ZNF385D: variants seen among roughly 807,000 people sequenced by gnomAD.
ZNF385D encodes zinc finger protein 659.
A neutral mutation model predicts 35.8 loss-of-function variants in ZNF385D; 15 were observed. The observed-to-expected ratio is 0.42, with a 90% CI of 0.28 to 0.64. The LOEUF is 0.64. Among genes scored for constraint, ZNF385D ranks in the 30% least tolerant of loss-of-function variants. The pLI, the probability that ZNF385D is intolerant of heterozygous loss-of-function variation, is 0.23. For synonymous variants in ZNF385D, 212 were observed against 186.8 expected (o/e 1.13, Z -1.10); for missense variants, 474 against 494.6 (o/e 0.96, Z 0.39).
At chr3:22,065,523 T>G (rs1699896959) in intron 3 of ZNF385D, among the ~76,000 whole-genome samples, 2 of 151,930 alleles carry the variant, frequency 1.3e-5, no homozygotes, top group South Asian at 4.2e-4. Context: ...GCCAGGTGAG[T>G]GTACAATAGC....
Position 22,360,967 on chromosome 3 carries a change from A to T in ZNF385D, c.106+11483T>A, listed in dbSNP as rs117342410. ...TCTCTAGAGATCAATCACTATTATT[A>T]CCCAAACCTTTTGTTATTCTGATAC... On this transcript the variant is annotated intron_variant, in intron 2 of 5. Transcript: ENST00000494108. Among the ~76,000 whole-genome samples, 603 of 152,174 alleles carry T rather than the reference A, an allele frequency of 4.0e-3. 9 individuals carry two copies. In the East Asian group the frequency reaches 0.051, roughly 13 times the overall value.
intron 2 of ZNF385D, among the ~76,000 whole-genome samples, chr3:21,578,159 ACATT>A (rs2063548770): frequency 6.6e-6 from 1 of 151,764 alleles, no homozygotes; most frequent in Admixed American, 6.7e-5. Flanking sequence ...AGTCATTTGC[ACATT>A]TTTTTAATTG....
At chr3:22,093,859 A>C (rs573901728) in intron 3 of ZNF385D, among the ~76,000 whole-genome samples, 1 of 152,278 alleles carries the variant, frequency 6.6e-6, no homozygotes, top group South Asian at 2.1e-4. Flanking sequence ...AGAAAAGTAC[A>C]CATACAGTAA....
At chr3:21,874,140 T>C (rs1697839689) in intron 3 of ZNF385D, among the ~76,000 whole-genome samples, 1 of 152,070 alleles carries the variant, frequency 6.6e-6, no homozygotes, top group Non-Finnish European at 1.5e-5. Flanking sequence ...TTTTTCCATA[T>C]TCTTGCTATC....
At chr3:21,732,752 T>A (rs2069077693) in intron 1 of ZNF385D, among the ~76,000 whole-genome samples, 1 of 152,246 alleles carries the variant, frequency 6.6e-6, no homozygotes, top group African/African-American at 2.4e-5. Context: ...GTTTTCTTAT[T>A]CTTGACCTTG....
chr3:21,669,630 C>T (rs762810723), intron 1 of ZNF385D, among the ~76,000 whole-genome samples: 2 of 152,086 alleles, frequency 1.3e-5, no homozygotes, highest in Non-Finnish European at 2.9e-5. Context: ...AACTCTAAAC[C>T]AGTGGTTGTC....
intron 3 of ZNF385D, among the ~76,000 whole-genome samples, chr3:22,031,365 T>C (rs934271985): frequency 1.3e-5 from 2 of 152,022 alleles, no homozygotes; most frequent in Non-Finnish European, 2.9e-5. Flanking sequence ...CATCCAGGTA[T>C]TTGTCTACAT....
At chr3:22,017,855 C>T (rs965988151) in intron 3 of ZNF385D, among the ~76,000 whole-genome samples, 23 of 151,912 alleles carry the variant, frequency 1.5e-4, no homozygotes, top group Middle Eastern at 3.4e-3. Context: ...TGTTTACATA[C>T]GTATTTCATC....
At chr3:22,011,562 T>G (rs998525558) in intron 3 of ZNF385D, among the ~76,000 whole-genome samples, 7 of 152,140 alleles carry the variant, frequency 4.6e-5, no homozygotes, top group Admixed American at 3.3e-4. Context: ...ATTTTTCATT[T>G]TGATGCATAA....
At chr3:21,887,653 A>G (rs541734849) in intron 3 of ZNF385D, among the ~76,000 whole-genome samples, 1 of 152,280 alleles carries the variant, frequency 6.6e-6, no homozygotes, top group East Asian at 1.9e-4. Context: ...AATAAGAGTA[A>G]CAAAGATGCT....
intron 1 of ZNF385D, among the ~76,000 whole-genome samples, chr3:21,726,216 A>G (rs2068759570): frequency 6.6e-6 from 1 of 152,220 alleles, no homozygotes; most frequent in Non-Finnish European, 1.5e-5. Flanking sequence ...CCCACAGCCA[A>G]TATCATACCG....
chr3:22,157,499 G>T (rs546479823), intron 3 of ZNF385D, among the ~76,000 whole-genome samples: 1 of 151,860 alleles, frequency 6.6e-6, no homozygotes, highest in African/African-American at 2.4e-5. Flanking sequence ...CTACCAGTGA[G>T]AATAAGATCT....
chr3:22,210,237 C>T lies in ZNF385D; in HGVS notation c.107-41202G>A, dbSNP rs7644856. ...AAGATATAGCTTCAAATGTTAAACA[C>T]ATATCATTTTTACATTAATTAATAC... On this transcript the variant is annotated intron_variant, in intron 2 of 5. Coordinates refer to the ZNF385D transcript ENST00000494108. 3.6e-3 allele frequency among the ~76,000 whole-genome samples: 545 copies of T among 151,940 alleles called. 1 individual carries two copies. The highest frequency in any genetic ancestry group is 0.012 in the African/African-American group (511 of 41,524).
chr3:21,637,632 C>G (rs2065486574), intron 2 of ZNF385D, among the ~76,000 whole-genome samples: 1 of 152,052 alleles, frequency 6.6e-6, no homozygotes, highest in Non-Finnish European at 1.5e-5. Context: ...TGTAGAACTT[C>G]TTCGGCAACT....
intron 3 of ZNF385D, among the ~76,000 whole-genome samples, chr3:21,955,631 T>A (rs973236247): frequency 6.6e-6 from 1 of 152,128 alleles, no homozygotes; most frequent in African/African-American, 2.4e-5. Flanking sequence ...AATTTTGCAA[T>A]CTGTTCTCAA....
At chr3:22,290,553 G>A (rs971865002) in intron 2 of ZNF385D, among the ~76,000 whole-genome samples, 2 of 152,110 alleles carry the variant, frequency 1.3e-5, no homozygotes, top group African/African-American at 4.8e-5. Flanking sequence ...GGATGCCCAG[G>A]GCAGTGGCAT....
chr3:22,213,863 T>C (rs1576505776), intron 2 of ZNF385D, among the ~76,000 whole-genome samples: 1 of 152,082 alleles, frequency 6.6e-6, no homozygotes, highest in Admixed American at 6.6e-5. Context: ...CTTTGTGACA[T>C]GTGTATTCTC....
intron 3 of ZNF385D, among the ~76,000 whole-genome samples, chr3:22,101,609 G>C (rs143059712): frequency 6.6e-6 from 1 of 152,086 alleles, no homozygotes; most frequent in African/African-American, 2.4e-5. Context: ...AGCAAAATAG[G>C]AACTGACACA....
intron 4 of ZNF385D, among the ~76,000 whole-genome samples, chr3:21,503,582 G>A (rs1322551867): frequency 6.6e-6 from 1 of 152,094 alleles, no homozygotes; most frequent in African/African-American, 2.4e-5. Flanking sequence ...TTTTAAAAAT[G>A]TGCACCTAGA....
Sources: allele counts gnomAD v4.1 joint callset (sites outside exome capture counted in the v4.1 genomes callset), GRCh38; gene constraint gnomAD v4.1.1; transcripts MANE v1.5; gene names NCBI Gene and HGNC (gene_info 2026-07-23, HGNC 2026-07-21).